SPAG17: variants seen among roughly 807,000 people sequenced by gnomAD.
SPAG17 encodes the protein sperm associated antigen 17.
A neutral mutation model predicts 273.6 loss-of-function variants in SPAG17; 169 were observed. The observed-to-expected ratio is 0.62, with a 90% CI of 0.55 to 0.70. SPAG17 has a LOEUF of 0.70. Among genes scored for constraint, SPAG17 ranks in the 30% least tolerant of loss-of-function variants. The probability of loss-of-function intolerance (pLI) is 0.00; values close to 1 mark genes in which losing one functional copy is unlikely to be tolerated. For missense variants in SPAG17, 2,557 were observed against 2,627.8 expected, an observed-to-expected ratio of 0.97 and a Z score of 0.59; for synonymous variants, 825 against 873.2, an observed-to-expected ratio of 0.94 and a Z score of 0.97.
At chr1:118,099,213 A>C (rs1655904166) in intron 6 of SPAG17, among the ~76,000 whole-genome samples, 1 of 152,160 alleles carries the variant, frequency 6.6e-6, no homozygotes, top group African/African-American at 2.4e-5. Context: ...CAAGAATCTA[A>C]GGCTGTGACC....
chr1:118,129,140 GGCT>G (rs1657911128), intron 3 of SPAG17, among the ~76,000 whole-genome samples: 1 of 152,190 alleles, frequency 6.6e-6, no homozygotes, highest in African/African-American at 2.4e-5. Flanking sequence ...CAGGGAAGTG[GGCT>G]GGAGCCCCTG....
chr1:118,094,132 G>T lies in SPAG17; in HGVS notation c.1012-815C>A, dbSNP rs575381507. On this transcript the variant is annotated intron_variant, in intron 7 of 48. Transcript: ENST00000336338. ...CGTGCACAGCTCTGCCAATCACTAT[G>T]GTGCACCTGGTTGCTGGCTGGCTTC... Among the ~76,000 whole-genome samples, 159 of 152,288 alleles carry T rather than the reference G, an allele frequency of 1.0e-3. 2 individuals are homozygous for T. The highest frequency in any genetic ancestry group is 3.6e-3 in the African/African-American group (151 of 41,564).
At position 118,185,177 on chromosome 1, in the gene SPAG17, T is replaced by A. The variant is rs562294464; in HGVS notation, c.-20A>T. The stretch of plus-strand genomic sequence containing the variant: ...TGCCATGCAAAGGACGGGAGAAGCA[T>A]TGGCCTCTAAACTGGGCGCAGGCCC... On this transcript the variant is annotated 5_prime_UTR_variant, in exon 1 of 49. It removes an upstream start codon present in the reference 5' UTR. Transcript: ENST00000336338. 5.6e-6 allele frequency: 9 copies of A among 1,601,136 alleles called. No individual in the cohort carries two copies. The Admixed American group carries it at 1.5e-4, about 27-fold the overall frequency.
chr1:118,066,720 T>TAA, intron 18 of SPAG17, 25 bp downstream of exon 18: 1 of 1,599,020 alleles, frequency 6.3e-7, no homozygotes, highest in Non-Finnish European at 8.5e-7. Flanking sequence ...ACTAACTAAT[T>TAA]AACTAAACTT....
At chr1:118,109,534 A>T (rs998056276) in intron 4 of SPAG17, among the ~76,000 whole-genome samples, 9 of 146,576 alleles carry the variant, frequency 6.1e-5, no homozygotes, top group Non-Finnish European at 1.3e-4. Context: ...CAGCCTGGGC[A>T]ACAGAGTGAA....
chr1:118,085,123 C>T (rs1267832571), intron 13 of SPAG17, among the ~76,000 whole-genome samples: 1 of 152,122 alleles, frequency 6.6e-6, no homozygotes, highest in Non-Finnish European at 1.5e-5. Context: ...AGAGATGGTC[C>T]ACGGTAGTGC....
At chr1:118,168,311 G>T (rs1448842431) in intron 1 of SPAG17, among the ~76,000 whole-genome samples, 1 of 152,068 alleles carries the variant, frequency 6.6e-6, no homozygotes, top group Non-Finnish European at 1.5e-5. Flanking sequence ...TGGAGTTTGG[G>T]TCTTTGATAC....
intron 48 of SPAG17, among the ~76,000 whole-genome samples, chr1:117,955,629 A>C (rs920348674): frequency 6.6e-6 from 1 of 152,152 alleles, no homozygotes; most frequent in African/African-American, 2.4e-5. Context: ...ATTCAATTAG[A>C]AGCACCAATT....
intron 18 of SPAG17, among the ~76,000 whole-genome samples, chr1:118,066,163 A>G (rs971012617): frequency 2.0e-5 from 3 of 152,200 alleles, no homozygotes; most frequent in Admixed American, 2.0e-4. Context: ...AAAATGCTAT[A>G]CAAATAATAC....
intron 35 of SPAG17, among the ~76,000 whole-genome samples, chr1:117,993,460 C>T (rs1657323825): frequency 6.6e-6 from 1 of 152,164 alleles, no homozygotes; most frequent in East Asian, 1.9e-4. Flanking sequence ...GTGTGACCTC[C>T]TCATTTTCAG....
At chr1:118,140,674 A>G (rs1298023846) in intron 3 of SPAG17, among the ~76,000 whole-genome samples, 9 of 152,134 alleles carry the variant, frequency 5.9e-5, no homozygotes, top group Admixed American at 5.9e-4. Context: ...TGCTCTCCCC[A>G]TTGCCACCTG....
intron 3 of SPAG17, among the ~76,000 whole-genome samples, chr1:118,150,233 A>C (rs1225201979): frequency 6.6e-6 from 1 of 152,220 alleles, no homozygotes; most frequent in African/African-American, 2.4e-5. Flanking sequence ...AGCAATTATC[A>C]TGAGAAAGTA....
At chr1:118,049,346 C>T (rs1017378865) in intron 20 of SPAG17, among the ~76,000 whole-genome samples, 1 of 152,150 alleles carries the variant, frequency 6.6e-6, no homozygotes, top group Non-Finnish European at 1.5e-5. Context: ...AAACTGAATT[C>T]AACAGCACAT....
chr1:118,104,030 G>GT (rs1177424041), intron 4 of SPAG17, among the ~76,000 whole-genome samples: 5 of 152,102 alleles, frequency 3.3e-5, no homozygotes, highest in Non-Finnish European at 5.9e-5. Context: ...GAAATAACAA[G>GT]TTTATGTCTT....
chr1:118,085,538 G>GCACACACACACACA (rs372317004), intron 13 of SPAG17, among the ~76,000 whole-genome samples: 1 of 149,604 alleles, frequency 6.7e-6, no homozygotes, highest in African/African-American at 2.5e-5. Flanking sequence ...GTGCGCGCGC[G>GCACACACACACACA]CACACACACA....
In SPAG17 at chr1:118,101,766, T is replaced by C. The variant is rs1187552462; in HGVS notation, c.608A>G (p.Glu203Gly). The C allele has an allele frequency of 6.2e-7, 1 of 1,613,696 alleles. No individual in the cohort carries two copies. The highest frequency in any genetic ancestry group is 1.3e-5 in the African/African-American group (1 of 74,876). The stretch of plus-strand genomic sequence containing the variant: ...AATGTAACGATTGGTGTGGTCGTCT[T>C]CTCCTCTCCGCTTTAACTGGGTGGT... ...KKTTQLKRRG[E>G]DDHTNRYIDD... The change falls in exon 5 of 49, where the codon GAA becomes GGA. Residue 203 changes from glutamate to glycine, a missense_variant. Transcript: ENST00000336338.
At chr1:118,002,189 A>G (rs1381012681) in intron 32 of SPAG17, among the ~76,000 whole-genome samples, 1 of 152,140 alleles carries the variant, frequency 6.6e-6, no homozygotes, top group Non-Finnish European at 1.5e-5. Context: ...TCTGAGAGAC[A>G]GTTTGTTGTG....
intron 1 of SPAG17, among the ~76,000 whole-genome samples, chr1:118,159,395 T>C (rs1659803026): frequency 6.6e-6 from 1 of 152,198 alleles, no homozygotes; most frequent in Non-Finnish European, 1.5e-5. Context: ...CAAATGACCT[T>C]GGGCTTATCT....
In SPAG17 at chr1:118,101,861, C is replaced by A; in HGVS notation, c.513G>T (p.Lys171Asn). The A allele has an allele frequency of 6.2e-7, 1 of 1,613,974 alleles. No individual in the cohort carries two copies. Among genetic ancestry groups the A allele is most frequent in the Non-Finnish European group, 8.5e-7 (1 of 1,179,954 alleles). Reference protein sequence around the residue: ...KGKAKSPKEKKAPSAKPAKGK... With the variant: ...KGKAKSPKEKNAPSAKPAKGK... ...CTTTGGCAGGCTTGGCACTTGGAGCCTTTTTCTCCTTGGGAGATTTTGCTT... is the reference window on the plus strand; with the variant it reads ...CTTTGGCAGGCTTGGCACTTGGAGCATTTTTCTCCTTGGGAGATTTTGCTT... The change falls in exon 5 of 49, where the codon AAG (lysine) becomes AAT (asparagine). Residue 171 changes from lysine (K) to asparagine (N), a missense_variant. Coordinates refer to ENST00000336338, the MANE Select transcript of SPAG17 (RefSeq NM_206996.4).
Sources: gnomAD v4.1 joint callset for allele counts (sites outside exome capture counted in the v4.1 genomes callset) on GRCh38, gnomAD v4.1.1 for gene constraint, MANE v1.5 for transcripts, NCBI Gene and HGNC (gene_info 2026-07-23, HGNC 2026-07-21) for gene names.